The following ERC2 variants were observed in gnomAD, a reference collection of about 807,000 sequenced individuals.
The protein encoded by ERC2 is ERC protein 2.
In ERC2, 42 loss-of-function variants were observed where a neutral mutation model predicts 114.8. The ratio of observed to expected loss-of-function variants is 0.37; its 90% CI spans 0.29 to 0.47. The LOEUF (loss-of-function observed/expected upper bound fraction) is 0.47. Among genes scored for constraint, ERC2 ranks in the 20% least tolerant of loss-of-function variants. The pLI, the probability that ERC2 is intolerant of heterozygous loss-of-function variation, is 0.99. For synonymous variants in ERC2, 454 were observed against 425.5 expected, an observed-to-expected ratio of 1.07 and a Z score of -0.82; for missense variants, 939 against 1,150.7, an observed-to-expected ratio of 0.82 and a Z score of 2.66.
At position 55,662,483 on chromosome 3, in the gene ERC2, T is replaced by C. The variant is rs550790546; in HGVS notation, c.*39+21311A>G. On this transcript the variant is annotated intron_variant, in intron 17 of 17. Coordinates refer to ENST00000288221, the MANE Select transcript of ERC2 (RefSeq NM_015576.3). Reference sequence around the variant, plus strand: ...AATGCAAATCACAGAAGAAGCTGAATAATATAATCTAATTTGTGTTAAATG... The same window carrying C: ...AATGCAAATCACAGAAGAAGCTGAACAATATAATCTAATTTGTGTTAAATG... 3.9e-5 allele frequency among the ~76,000 whole-genome samples: 6 copies of C among 152,364 alleles called. No homozygotes were observed. The South Asian group carries it at 1.2e-3, about 32-fold the overall frequency.
chr3:55,981,879 C>T (rs2070166867), intron 12 of ERC2, among the ~76,000 whole-genome samples: 1 of 152,094 alleles, frequency 6.6e-6, no homozygotes, highest in Admixed American at 6.5e-5. Context: ...GTGAGACAAA[C>T]CCAATGGTTG....
At chr3:56,108,793 C>G (rs1178953409) in intron 6 of ERC2, among the ~76,000 whole-genome samples, 1 of 152,102 alleles carries the variant, frequency 6.6e-6, no homozygotes, top group Non-Finnish European at 1.5e-5. Flanking sequence ...AAGGAGCAAT[C>G]TCTTATCTAT....
intron 3 of ERC2, among the ~76,000 whole-genome samples, chr3:56,225,710 A>G (rs1029004597): frequency 6.6e-6 from 1 of 152,136 alleles, no homozygotes; most frequent in Non-Finnish European, 1.5e-5. Flanking sequence ...CCTCATTACA[A>G]CAAGTGATAA....
chr3:55,689,119 T>C (rs1229636310), intron 16 of ERC2, among the ~76,000 whole-genome samples: 1 of 152,162 alleles, frequency 6.6e-6, no homozygotes, highest in East Asian at 1.9e-4. Flanking sequence ...TTGGTTCTTC[T>C]CAGCAAGTTC....
chr3:55,526,227 C>T (rs2053307648), intron 17 of ERC2, among the ~76,000 whole-genome samples: 1 of 152,118 alleles, frequency 6.6e-6, no homozygotes, highest in African/African-American at 2.4e-5. Context: ...AATGGCCCTG[C>T]CAGCACCTTG....
intron 17 of ERC2, among the ~76,000 whole-genome samples, chr3:55,527,387 G>T (rs1399486278): frequency 6.6e-6 from 1 of 152,194 alleles, no homozygotes; most frequent in Non-Finnish European, 1.5e-5. Flanking sequence ...TTGTGGAGTT[G>T]TATGCCAGTG....
intron 10 of ERC2, among the ~76,000 whole-genome samples, chr3:56,005,382 C>T (rs938567528): frequency 6.6e-6 from 1 of 151,930 alleles, no homozygotes. Flanking sequence ...TCAAAGGAAA[C>T]CACACACTCT....
intron 3 of ERC2, among the ~76,000 whole-genome samples, chr3:56,267,384 T>A (rs1236721114): frequency 7.2e-5 from 11 of 152,152 alleles, no homozygotes; most frequent in African/African-American, 2.7e-4. Context: ...GGCTACATGA[T>A]CTCACTTACA....
intron 3 of ERC2, among the ~76,000 whole-genome samples, chr3:56,215,009 G>A (rs1560391704): frequency 6.6e-6 from 1 of 152,080 alleles, no homozygotes; most frequent in African/African-American, 2.4e-5. Flanking sequence ...ACATGGAAAG[G>A]AACAACCGGT....
At chr3:55,541,130 G>GA (rs2054367792) in intron 17 of ERC2, among the ~76,000 whole-genome samples, 1 of 152,088 alleles carries the variant, frequency 6.6e-6, no homozygotes, top group Admixed American at 6.6e-5. Flanking sequence ...TGCTATCTGA[G>GA]AAAAAACAAT....
intron 17 of ERC2, among the ~76,000 whole-genome samples, chr3:55,538,978 G>C (rs1323246292): frequency 6.6e-6 from 1 of 152,204 alleles, no homozygotes; most frequent in African/African-American, 2.4e-5. Flanking sequence ...TGGGCGTACA[G>C]AGCCTTTAAT....
In ERC2 at chr3:55,805,126, C is replaced by T. The variant is rs554809366; in HGVS notation, c.2565-70208G>A. Among the ~76,000 whole-genome samples, 6 of 152,090 alleles carry T rather than the reference C, an allele frequency of 3.9e-5. No individual in the cohort carries two copies. The East Asian group carries it at 1.2e-3, about 30-fold the overall frequency. On this transcript the variant is annotated intron_variant, in intron 14 of 17. Coordinates refer to ENST00000288221, the MANE Select transcript of ERC2 (RefSeq NM_015576.3). ...ACTAACCTTTATTGAGTACTTACTG[C>T]CAATGCTCCTCTAGACACGACATAC...
chr3:55,793,386 A>G (rs79876028), intron 14 of ERC2, among the ~76,000 whole-genome samples: 22,009 of 152,204 alleles, frequency 0.14, 1,785 homozygotes, highest in East Asian at 0.23. Context: ...AGCCAGGTGA[A>G]CATTCTAATT....
intron 17 of ERC2, chr3:55,607,985 T>TG (rs749520772): frequency 6.6e-6 from 1 of 151,642 alleles, no homozygotes; most frequent in South Asian, 2.1e-4. Context: ...AGCCTCCATG[T>TG]GGGGGAAAAA....
chr3:56,045,100 T>A (rs1226184654), intron 7 of ERC2, among the ~76,000 whole-genome samples: 1 of 152,174 alleles, frequency 6.6e-6, no homozygotes, highest in Non-Finnish European at 1.5e-5. Flanking sequence ...TCACTATCAA[T>A]ATAATCTATA....
chr3:56,117,385 C>T (rs568230362), intron 6 of ERC2, among the ~76,000 whole-genome samples: 5 of 152,326 alleles, frequency 3.3e-5, no homozygotes, highest in East Asian at 1.9e-4. Context: ...TAATCCTCCA[C>T]AGGAAACCAT....
In ERC2 at chr3:56,059,192, G is replaced by T. The variant is rs142866288; in HGVS notation, c.1641+21625C>A. On this transcript the variant is annotated intron_variant, in intron 7 of 17. Transcript: ENST00000288221. ...TGCAACCTCCGCCCCCCAGGTTCAA[G>T]CAATTCTCCTGTCTCAGCCTCCTGA... Among the ~76,000 whole-genome samples the T allele has an allele frequency of 1.9e-3, 284 of 152,026 alleles. 1 individual carries two copies. The highest frequency in any genetic ancestry group is 0.015 in the East Asian group (79 of 5,158).
At chr3:56,311,269 A>ATG (rs2056554332) in intron 2 of ERC2, among the ~76,000 whole-genome samples, 2 of 132,252 alleles carry the variant, frequency 1.5e-5, no homozygotes, top group African/African-American at 5.9e-5. Context: ...ATATATATAT[A>ATG]TATATATATA....
At chr3:55,583,893 C>T (rs1435073214) in intron 17 of ERC2, among the ~76,000 whole-genome samples, 2 of 151,506 alleles carry the variant, frequency 1.3e-5, no homozygotes, top group African/African-American at 4.9e-5. Flanking sequence ...TGCTAGCCCC[C>T]CTCCCAAAAC....
Sources: allele counts gnomAD v4.1 joint callset (sites outside exome capture counted in the v4.1 genomes callset), GRCh38; gene constraint gnomAD v4.1.1; transcripts MANE v1.5; gene names NCBI Gene and HGNC (gene_info 2026-07-23, HGNC 2026-07-21).